Variants in PALM2AKAP2 observed in about 807,000 individuals in gnomAD.
PALM2AKAP2 encodes the protein PALM2 and AKAP2 fusion, also known as PALM2-AKAP2 fusion protein.
In PALM2AKAP2, 37 loss-of-function variants were observed where a neutral mutation model predicts 71.5. The observed-to-expected ratio is 0.52, with a 90% CI of 0.40 to 0.68. The LOEUF (loss-of-function observed/expected upper bound fraction) is 0.68. Ranked by LOEUF, PALM2AKAP2 falls within the 30% of genes least tolerant of loss-of-function variation. The probability of loss-of-function intolerance (pLI) is 0.00; values close to 1 mark genes in which losing one functional copy is unlikely to be tolerated. For synonymous variants in PALM2AKAP2, 468 were observed against 478.8 expected, an observed-to-expected ratio of 0.98 and a Z score of 0.29; for missense variants, 1,224 against 1,191.8, an observed-to-expected ratio of 1.03 and a Z score of -0.40.
At chr9:109,963,855 C>G (rs973883837) in intron 6 of PALM2AKAP2, among the ~76,000 whole-genome samples, 3 of 152,158 alleles carry the variant, frequency 2.0e-5, no homozygotes, top group Non-Finnish European at 2.9e-5. Context: ...TTGAAGGTAG[C>G]GTATGTGTGG....
At chr9:109,953,673 T>C (rs1193925256) in intron 6 of PALM2AKAP2, among the ~76,000 whole-genome samples, 1 of 151,564 alleles carries the variant, frequency 6.6e-6, no homozygotes, top group Non-Finnish European at 1.5e-5. Flanking sequence ...CCATCTCTAC[T>C]AAAAATAAAA....
At chr9:110,108,378 G>T (rs1386285503) in intron 1 of PALM2AKAP2, among the ~76,000 whole-genome samples, 1 of 152,128 alleles carries the variant, frequency 6.6e-6, no homozygotes, top group Non-Finnish European at 1.5e-5. Context: ...CTCCCAAAGT[G>T]CTGGGATTAC....
chr9:110,135,172 A>ATAT (rs58573716), intron 1 of PALM2AKAP2, among the ~76,000 whole-genome samples: 3 of 61,096 alleles, frequency 4.9e-5, no homozygotes, highest in African/African-American at 1.8e-4. Flanking sequence ...AAAATATATA[A>ATAT]ATATATATAT....
chr9:110,004,744 C>A (rs1210463090), intron 6 of PALM2AKAP2, among the ~76,000 whole-genome samples: 1 of 152,070 alleles, frequency 6.6e-6, no homozygotes, highest in Non-Finnish European at 1.5e-5. Context: ...ATTCTTTTTT[C>A]TCTAAACTTC....
chr9:110,049,002 T>C (rs1217721319), intron 1 of PALM2AKAP2: 2 of 1,122,760 alleles, frequency 1.8e-6, no homozygotes, highest in African/African-American at 1.6e-5. Context: ...TTGTGGTCCT[T>C]GTCGAGCGGA....
chr9:109,729,014 T>C (rs892366651), intron 1 of PALM2AKAP2, among the ~76,000 whole-genome samples: 2 of 152,226 alleles, frequency 1.3e-5, no homozygotes, highest in Non-Finnish European at 2.9e-5. Flanking sequence ...ATAGTCCTGA[T>C]GAGATTTATT....
At chr9:109,738,816 T>TA (rs1479058905) in intron 1 of PALM2AKAP2, among the ~76,000 whole-genome samples, 1 of 152,196 alleles carries the variant, frequency 6.6e-6, no homozygotes, top group Non-Finnish European at 1.5e-5. Context: ...CATCTTTGAT[T>TA]AAAAAAATGT....
At chr9:109,947,036 T>A (rs1457871095) in intron 6 of PALM2AKAP2, among the ~76,000 whole-genome samples, 2 of 152,246 alleles carry the variant, frequency 1.3e-5, no homozygotes, top group African/African-American at 4.8e-5. Context: ...TTGACAGTGT[T>A]CAGTGACATC....
At chr9:109,974,790 G>A (rs901611667) in intron 6 of PALM2AKAP2, among the ~76,000 whole-genome samples, 1 of 152,172 alleles carries the variant, frequency 6.6e-6, no homozygotes, top group Admixed American at 6.5e-5. Flanking sequence ...CTCAAACAGA[G>A]ATGGCATGTG....
In PALM2AKAP2 at chr9:110,130,182, G is replaced by A. The variant is rs189810996; in HGVS notation, c.157-5945G>A. Among the ~76,000 whole-genome samples the A allele has an allele frequency of 2.3e-3, 344 of 152,236 alleles. 5 individuals carry two copies. Among genetic ancestry groups the A allele is most frequent in the South Asian group, 6.8e-3 (33 of 4,820 alleles). The stretch of plus-strand genomic sequence containing the variant: ...ATAATAGTGAACATTTGCATTAACC[G>A]TTTTACAGTTTACATAGTACTTTTA... On this transcript the variant is annotated intron_variant, in intron 1 of 3. Coordinates refer to ENST00000374525, the Ensembl canonical transcript of PALM2AKAP2.
intron 1 of PALM2AKAP2, among the ~76,000 whole-genome samples, chr9:109,782,401 C>T (rs867996073): frequency 2.0e-5 from 3 of 152,128 alleles, no homozygotes; most frequent in African/African-American, 7.2e-5. Flanking sequence ...CATATCCACG[C>T]CTTCAGTCAA....
chr9:109,903,493 C>T (rs1489699746), intron 3 of PALM2AKAP2, among the ~76,000 whole-genome samples: 1 of 152,156 alleles, frequency 6.6e-6, no homozygotes, highest in African/African-American at 2.4e-5. Context: ...CTTTTTCTCC[C>T]TGTTCCTGGG....
intron 3 of PALM2AKAP2, among the ~76,000 whole-genome samples, chr9:110,158,879 A>G (rs1836528417): frequency 6.6e-6 from 1 of 152,170 alleles, no homozygotes; most frequent in Non-Finnish European, 1.5e-5. Flanking sequence ...CATTTAAGAG[A>G]CCCAAATCTA....
Position 109,770,402 on chromosome 9 carries a change from AC to A in PALM2AKAP2, c.6-10084del, listed in dbSNP as rs1233295784. Among the ~76,000 whole-genome samples the A allele has an allele frequency of 2.0e-5, 3 of 152,348 alleles. No individual in the cohort carries two copies. The East Asian group carries it at 5.8e-4, about 29-fold the overall frequency. On this transcript the variant is annotated intron_variant, in intron 1 of 6. Transcript: ENST00000374531. Reference sequence around the variant, plus strand: ...CTCTGAGAAGGAGTCTATAGTTCTTACCAGATTCTTGAAAGGATTCTGTGAA... The same window carrying A: ...CTCTGAGAAGGAGTCTATAGTTCTTACAGATTCTTGAAAGGATTCTGTGAA...
At chr9:109,919,040 C>G (rs1830760884) in intron 3 of PALM2AKAP2, among the ~76,000 whole-genome samples, 1 of 152,218 alleles carries the variant, frequency 6.6e-6, no homozygotes, top group Admixed American at 6.5e-5. Context: ...CATCAGGTCG[C>G]AGAGAATTCT....
At chr9:109,980,990 A>G (rs1588043048) in intron 6 of PALM2AKAP2, among the ~76,000 whole-genome samples, 1 of 152,200 alleles carries the variant, frequency 6.6e-6, no homozygotes, top group East Asian at 1.9e-4. Context: ...TCTCTGTACC[A>G]TGGGAATGCG....
chr9:109,889,563 C>T (rs1830040214), intron 3 of PALM2AKAP2, among the ~76,000 whole-genome samples: 1 of 152,192 alleles, frequency 6.6e-6, no homozygotes, highest in South Asian at 2.1e-4. Flanking sequence ...AGAAAAAGCC[C>T]TCTTCACTGA....
At chr9:110,010,996 CA>C (rs754903953) in intron 6 of PALM2AKAP2, among the ~76,000 whole-genome samples, 6 of 54,286 alleles carry the variant, frequency 1.1e-4, no homozygotes, top group East Asian at 3.8e-4. Context: ...AACTCTGTCT[CA>C]AAAAAAAAAA....
At chr9:109,859,161 G>A (rs895419832) in intron 1 of PALM2AKAP2, among the ~76,000 whole-genome samples, 7 of 152,106 alleles carry the variant, frequency 4.6e-5, no homozygotes, top group African/African-American at 9.7e-5. Flanking sequence ...ATTGAGGCTC[G>A]AACTAATCAA....
Sources: allele counts gnomAD v4.1 joint callset (sites outside exome capture counted in the v4.1 genomes callset), GRCh38; gene constraint gnomAD v4.1.1; transcripts MANE v1.5; gene names NCBI Gene and HGNC (gene_info 2026-07-23, HGNC 2026-07-21).